Variants in GASK1A observed in about 807,000 individuals in gnomAD.
GASK1A encodes the protein golgi associated kinase 1A, also known as Golgi-associated kinase 1A.
A neutral mutation model predicts 41.2 loss-of-function variants in GASK1A; 40 were observed. The observed-to-expected ratio is 0.97, with a 90% confidence interval of 0.75 to 1.27. The LOEUF is 1.27. Among genes scored for constraint, GASK1A ranks in the 50% most tolerant of loss-of-function variants. The pLI, the probability that GASK1A is intolerant of heterozygous loss-of-function variation, is 0.00. For missense variants in GASK1A, 678 were observed against 745.1 expected (o/e 0.91, Z 1.05); for synonymous variants, 316 against 307.1 (o/e 1.03, Z -0.30).
chr3:43,032,437 C>T lies in GASK1A; in HGVS notation c.174C>T (p.Thr58=). 6.4e-7 allele frequency: 1 copy of T among 1,551,208 alleles called. No homozygotes were observed. The highest frequency in any genetic ancestry group is 8.7e-7 in the Non-Finnish European group (1 of 1,146,602). Residue 58 remains threonine (T), a synonymous_variant, in exon 2 of 5, where the codon ACC becomes ACT. Coordinates refer to ENST00000430121, the MANE Select transcript of GASK1A (RefSeq NM_001129908.3). ...EPQGVTGAPA[T]HIRQALSSSR... ...AGGGGGTAACTGGCGCCCCTGCAACCCATATCCGGCAGGCTTTGAGCTCCA... is the reference window on the plus strand; with the variant it reads ...AGGGGGTAACTGGCGCCCCTGCAACTCATATCCGGCAGGCTTTGAGCTCCA...
chr3:43,029,698 G>A (rs1197236717), intron 1 of GASK1A, among the ~76,000 whole-genome samples: 1 of 152,220 alleles, frequency 6.6e-6, no homozygotes, highest in Non-Finnish European at 1.5e-5. Context: ...TGTCCAGGAG[G>A]CAGAAGGGGT....
chr3:42,986,141 G>A (rs2089308165), intron 1 of GASK1A, among the ~76,000 whole-genome samples: 1 of 152,196 alleles, frequency 6.6e-6, no homozygotes. Context: ...CTACTCCTCA[G>A]CAATAGAAAA....
rs1307020854 is a variant in GASK1A, at chr3:43,039,264, G to A, written c.1290+5711G>A. Among the ~76,000 whole-genome samples the A allele has an allele frequency of 6.2e-5, 9 of 146,102 alleles. 1 individual carries two copies. Among genetic ancestry groups the A allele is most frequent in the Non-Finnish European group, 8.9e-5 (6 of 67,102 alleles). ...GTCGCCCAGGCTGGAGTACAATGGCGCAATCTTGGCTCATTGCAACCTCCA... is the reference window on the plus strand; with the variant it reads ...GTCGCCCAGGCTGGAGTACAATGGCACAATCTTGGCTCATTGCAACCTCCA... On this transcript the variant is annotated intron_variant, in intron 2 of 4. Transcript: ENST00000430121.
In GASK1A at chr3:43,032,331, T is replaced by C. The variant is rs2089579776; in HGVS notation, c.68T>C (p.Met23Thr). The C allele has an allele frequency of 1.3e-6, 2 of 1,550,626 alleles. No homozygotes were observed. The highest frequency in any genetic ancestry group is 1.7e-6 in the Non-Finnish European group (2 of 1,146,292). The change falls in exon 2 of 5, where the codon ATG becomes ACG. Residue 23 changes from methionine (M) to threonine (T), a missense_variant. Coordinates refer to ENST00000430121, the MANE Select transcript of GASK1A (RefSeq NM_001129908.3). ...RRPVIAFCLL[M>T]ILSAMAVTRF... is the part of the protein sequence containing the mutation. ...CCAGTGATAGCGTTCTGCCTCTTGA[T>C]GATCCTATCTGCGATGGCTGTCACC...
At chr3:43,041,665 G>A (rs932678979) in intron 2 of GASK1A, among the ~76,000 whole-genome samples, 10 of 152,174 alleles carry the variant, frequency 6.6e-5, no homozygotes, top group African/African-American at 2.4e-4. Context: ...CAGTTGCTCA[G>A]TTTATCCTCT....
At chr3:43,034,914 C>T (rs1027403646) in intron 2 of GASK1A, among the ~76,000 whole-genome samples, 1 of 152,164 alleles carries the variant, frequency 6.6e-6, no homozygotes, top group African/African-American at 2.4e-5. Flanking sequence ...ACTGTCCTCC[C>T]GGCCTCTTGA....
In GASK1A at chr3:43,032,650, A is replaced by T; in HGVS notation, c.387A>T (p.Arg129Ser). ...ACATTACTTTGTCAGGACATCCAAG[A>T]CTCAGTACTCAGCATGTTGTGCTCC... is the stretch of plus-strand genomic sequence containing the variant. ...RRDITLSGHP[R>S]LSTQHVVLLR... The change falls in exon 2 of 5, where the codon AGA becomes AGT. Residue 129 changes from arginine (R) to serine (S), a missense_variant. Arg to Ser is a moderately radical substitution (Grantham distance 110). Transcript: ENST00000430121. The T allele has an allele frequency of 6.4e-7, 1 of 1,551,566 alleles. No homozygotes were observed. The highest frequency in any genetic ancestry group is 1.4e-5 in the African/African-American group (1 of 73,122).
At chr3:43,049,871 C>G (rs1218194020) in intron 2 of GASK1A, among the ~76,000 whole-genome samples, 1 of 152,004 alleles carries the variant, frequency 6.6e-6, no homozygotes, top group Non-Finnish European at 1.5e-5. Context: ...GGTCAGATTA[C>G]CAGCAATTTA....
rs552813798 is a variant in GASK1A, at chr3:43,001,814, G to C, written c.3+22169G>C. Among the ~76,000 whole-genome samples the C allele has an allele frequency of 2.0e-5, 3 of 152,226 alleles. No homozygotes were observed. The East Asian group carries it at 5.8e-4, about 29-fold the overall frequency. ...TTGGAGGAAGAATTTCTGAGGGGTA[G>C]GGAGGCTTCCTGTGAGGTGGGTCCT... On this transcript the variant is annotated intron_variant, in intron 1 of 4. Coordinates refer to ENST00000430121, the MANE Select transcript of GASK1A (RefSeq NM_001129908.3).
At chr3:43,023,627 G>T (rs892982362) in intron 1 of GASK1A, among the ~76,000 whole-genome samples, 3 of 152,172 alleles carry the variant, frequency 2.0e-5, no homozygotes, top group Non-Finnish European at 2.9e-5. Context: ...TATGCATGTA[G>T]TACCTGTGTG....
intron 1 of GASK1A, among the ~76,000 whole-genome samples, chr3:43,025,066 G>A (rs35110063): frequency 0.35 from 52,683 of 152,084 alleles, 9,852 homozygotes; most frequent in Non-Finnish European, 0.43. Context: ...GTCCAGAATT[G>A]AAAGAAGTTT....
At chr3:43,002,052 C>T (rs899979671) in intron 1 of GASK1A, among the ~76,000 whole-genome samples, 14 of 152,162 alleles carry the variant, frequency 9.2e-5, no homozygotes, top group African/African-American at 3.1e-4. Flanking sequence ...GATTGGAAAT[C>T]AGCTTACTAT....
chr3:43,055,325 GA>G, intron 3 of GASK1A, 106 bp from the exon 4 acceptor site: 1 of 719,116 alleles, frequency 1.4e-6, no homozygotes, highest in Non-Finnish European at 2.4e-6. Flanking sequence ...TGGACTGTGG[GA>G]CTGACAGCTC....
At chr3:42,990,449 G>A (rs834178) in intron 1 of GASK1A, among the ~76,000 whole-genome samples, 44,008 of 151,916 alleles carry the variant, frequency 0.29, 7,890 homozygotes, top group East Asian at 0.49. Flanking sequence ...GGACAGCAGC[G>A]GTGGTTGTCT....
chr3:43,024,732 T>C (rs2089537957), intron 1 of GASK1A, among the ~76,000 whole-genome samples: 1 of 152,192 alleles, frequency 6.6e-6, no homozygotes, highest in Non-Finnish European at 1.5e-5. Flanking sequence ...TGCAGAGAGC[T>C]TCTCACGTGC....
At chr3:43,043,279 A>G (rs1473794712) in intron 2 of GASK1A, among the ~76,000 whole-genome samples, 1 of 152,086 alleles carries the variant, frequency 6.6e-6, no homozygotes, top group East Asian at 1.9e-4. Context: ...TCTGGACTCT[A>G]CCAGACCCAG....
chr3:43,035,872 T>C (rs1018535281), intron 2 of GASK1A, among the ~76,000 whole-genome samples: 1 of 152,226 alleles, frequency 6.6e-6, no homozygotes, highest in East Asian at 1.9e-4. Flanking sequence ...GAAATTAGGT[T>C]ACTTGCCCAA....
rs370820859 is a variant in GASK1A at position 42,990,182 on chromosome 3, A to AGAGAG, written c.3+10538_3+10542dup. On this transcript the variant is annotated intron_variant, in intron 1 of 4. Coordinates refer to ENST00000430121, the MANE Select transcript of GASK1A (RefSeq NM_001129908.3). ...TATGTTGGGCAACATAAACTTATGT[A>AGAGAG]GAGAGAGACCCTATCTCTACAAAAG... Among the ~76,000 whole-genome samples, 169 of 151,360 alleles carry AGAGAG rather than the reference A, an allele frequency of 1.1e-3. 4 individuals are homozygous for AGAGAG. The East Asian group carries it at 0.031, about 27-fold the overall frequency.
Position 43,033,277 on chromosome 3 carries a change from G to A in GASK1A, c.1014G>A (p.Leu338=). The A allele has an allele frequency of 1.3e-6, 2 of 1,551,578 alleles. No individual in the cohort carries two copies. The highest frequency in any genetic ancestry group is 1.7e-6 in the Non-Finnish European group (2 of 1,146,970). ...TGTCCTTCCACGTAGATCGTGTGCT[G>A]GGGCTGCGCCGGAGCCTACCTGCTG... is the stretch of plus-strand genomic sequence containing the variant. ...EVLSFHVDRV[L]GLRRSLPAVA... is the part of the protein sequence containing the mutation. The change falls in exon 2 of 5, where the codon CTG becomes CTA. Residue 338 remains leucine, a synonymous_variant. Transcript: ENST00000430121.
Sources: allele counts gnomAD v4.1 joint callset (sites outside exome capture counted in the v4.1 genomes callset), GRCh38; gene constraint gnomAD v4.1.1; transcripts MANE v1.5; gene names NCBI Gene and HGNC (gene_info 2026-07-23, HGNC 2026-07-21).